The following KLHL32 variants were observed in gnomAD, a reference collection of about 807,000 sequenced individuals.
The protein encoded by KLHL32 is kelch-like protein 32.
Under a neutral mutation model 64.8 loss-of-function variants are expected in KLHL32, and 35 were observed. That is an observed-to-expected ratio of 0.54 (90% CI 0.41 to 0.72). The LOEUF (loss-of-function observed/expected upper bound fraction) is 0.72, where lower values mean the gene tolerates loss of function less well. Ranked by LOEUF, KLHL32 falls within the 30% of genes least tolerant of loss-of-function variation. KLHL32 has a pLI of 0.00. For synonymous variants in KLHL32, 259 were observed against 281.0 expected (o/e 0.92, Z 0.78); for missense variants, 589 against 768.5 (o/e 0.77, Z 2.76).
At position 97,050,080 on chromosome 6, in the gene KLHL32, A is replaced by G. The variant is rs183952796; in HGVS notation, c.312+8481A>G. ...GTCTAGTTTGTGCTGCAAGAATCAT[A>G]AAGCCATTCGTTCAGCAGATTCATG... On this transcript the variant is annotated intron_variant, in intron 4 of 10. Coordinates refer to ENST00000369261, the MANE Select transcript of KLHL32 (RefSeq NM_052904.4). Among the ~76,000 whole-genome samples the G allele has an allele frequency of 2.9e-3, 435 of 152,336 alleles. 1 individual carries two copies. Among genetic ancestry groups the G allele is most frequent in the Non-Finnish European group, 4.3e-3 (290 of 68,022 alleles).
At chr6:97,093,270 T>C (rs1794523982) in intron 6 of KLHL32, among the ~76,000 whole-genome samples, 1 of 152,180 alleles carries the variant, frequency 6.6e-6, no homozygotes, top group Non-Finnish European at 1.5e-5. Context: ...CCAACAATAA[T>C]AATTCTTTAC....
chr6:97,098,369 A>AT (rs1036781537), intron 6 of KLHL32, among the ~76,000 whole-genome samples: 91 of 151,398 alleles, frequency 6.0e-4, no homozygotes, highest in Non-Finnish European at 1.1e-3. Context: ...TGTCTTCATT[A>AT]TTTTTTTTTC....
At chr6:96,924,670 G>A (rs1293491117), upstream of KLHL32, 1 of 152,146 alleles carries the variant, frequency 6.6e-6, no homozygotes, top group Non-Finnish European at 1.5e-5. Flanking sequence ...AGTCTGACGC[G>A]ACCGCCTGGG....
At chr6:96,981,911 G>A (rs1776357883) in intron 3 of KLHL32, among the ~76,000 whole-genome samples, 1 of 152,106 alleles carries the variant, frequency 6.6e-6, no homozygotes, top group African/African-American at 2.4e-5. Context: ...TTTGGTCTGA[G>A]AGTGTGATCG....
At chr6:97,103,901 A>T (rs1432723078) in intron 6 of KLHL32, among the ~76,000 whole-genome samples, 1 of 152,212 alleles carries the variant, frequency 6.6e-6, no homozygotes, top group Non-Finnish European at 1.5e-5. Context: ...ATTCTACTTT[A>T]AAATATTTTT....
chr6:97,111,621 G>A (rs918745628), intron 6 of KLHL32, among the ~76,000 whole-genome samples: 1 of 152,218 alleles, frequency 6.6e-6, no homozygotes, highest in African/African-American at 2.4e-5. Context: ...TCCAGAAGGA[G>A]TGTTATGGTA....
chr6:97,019,919 A>G (rs1200662407), intron 3 of KLHL32, among the ~76,000 whole-genome samples: 1 of 149,082 alleles, frequency 6.7e-6, no homozygotes, highest in Non-Finnish European at 1.5e-5. Context: ...AGCTGGAACT[A>G]CAGGCGCCCA....
intron 4 of KLHL32, among the ~76,000 whole-genome samples, chr6:97,050,065 T>C (rs4839707): frequency 0.073 from 11,123 of 152,270 alleles, 879 homozygotes; most frequent in Admixed American, 0.22. Context: ...GTCTAGTTTG[T>C]GCTGCAAGAA....
chr6:97,025,529 A>T (rs554363903), intron 3 of KLHL32, among the ~76,000 whole-genome samples: 19 of 152,378 alleles, frequency 1.2e-4, no homozygotes, highest in African/African-American at 4.6e-4. Flanking sequence ...GTAGGCAATG[A>T]ATATTCATCC....
chr6:97,071,315 C>T (rs750632523), intron 5 of KLHL32, among the ~76,000 whole-genome samples: 3 of 152,100 alleles, frequency 2.0e-5, no homozygotes, highest in Non-Finnish European at 2.9e-5. Flanking sequence ...TCCTCTACAG[C>T]ATTTAAACAC....
intron 1 of KLHL32, among the ~76,000 whole-genome samples, chr6:96,929,250 C>G (rs1457482064): frequency 6.6e-6 from 1 of 152,088 alleles, no homozygotes. Flanking sequence ...GATTTTAATT[C>G]CTATCAAGTA....
intron 5 of KLHL32, among the ~76,000 whole-genome samples, chr6:97,071,601 C>T (rs573706331): frequency 6.6e-6 from 1 of 152,258 alleles, no homozygotes; most frequent in East Asian, 1.9e-4. Context: ...CCAAATTCGC[C>T]TTTGCCCAGT....
intron 3 of KLHL32, among the ~76,000 whole-genome samples, chr6:97,037,626 A>G (rs1784494558): frequency 6.6e-6 from 1 of 152,204 alleles, no homozygotes; most frequent in Non-Finnish European, 1.5e-5. Context: ...TTACAGATTC[A>G]ATGCAATCCA....
chr6:97,107,241 C>T (rs1366901466), intron 6 of KLHL32, among the ~76,000 whole-genome samples: 2 of 150,990 alleles, frequency 1.3e-5, no homozygotes, highest in Admixed American at 1.3e-4. Context: ...TGCAGTGAGC[C>T]GAGATCGCGC....
intron 6 of KLHL32, among the ~76,000 whole-genome samples, chr6:97,106,340 A>G (rs956639722): frequency 6.6e-6 from 1 of 152,202 alleles, no homozygotes; most frequent in African/African-American, 2.4e-5. Context: ...TACTCTGTAG[A>G]GTAGCAATCA....
rs554828751 is a variant in KLHL32 at position 97,140,649 on chromosome 6, C to T, written c.*1367C>T. 6.6e-6 allele frequency: 1 copy of T among 152,020 alleles called. No individual in the cohort carries two copies. Among genetic ancestry groups the T allele is most frequent in the South Asian group, 2.1e-4 (1 of 4,818 alleles). 9.4% of individuals were successfully genotyped at this position (152,020 alleles called of 1,614,324 possible). ...GAAGAATTCACTCTTTTTTCCTTGG[C>T]AGTTTAATCATTCAGGAATCCCTCT... On this transcript the variant is annotated 3_prime_UTR_variant, in exon 11 of 11. Coordinates refer to ENST00000369261, the MANE Select transcript of KLHL32 (RefSeq NM_052904.4).
intron 6 of KLHL32, among the ~76,000 whole-genome samples, chr6:97,110,249 T>C (rs1309632022): frequency 6.6e-6 from 1 of 152,178 alleles, no homozygotes; most frequent in African/African-American, 2.4e-5. Flanking sequence ...TGGTATCTTA[T>C]TTAGTTAAAA....
chr6:96,939,667 G>A (rs1290509543), intron 1 of KLHL32, among the ~76,000 whole-genome samples: 1 of 152,148 alleles, frequency 6.6e-6, no homozygotes, highest in Non-Finnish European at 1.5e-5. Context: ...AGAGAGCCAA[G>A]GGCAGTGAAG....
At position 97,121,925 on chromosome 6, in the gene KLHL32, T is replaced by A. The variant is rs143275508; in HGVS notation, c.1355-5479T>A. Among the ~76,000 whole-genome samples, 17 of 152,304 alleles carry A rather than the reference T, an allele frequency of 1.1e-4. 1 individual carries two copies. In the South Asian group the frequency reaches 1.2e-3, roughly 11 times the overall value. ...AAAAGATCCAAGAGCACAGCAAAGC[T>A]GGGACATGAAAGACAGACAGAGGTG... On this transcript the variant is annotated intron_variant, in intron 7 of 10. Coordinates refer to ENST00000369261, the MANE Select transcript of KLHL32 (RefSeq NM_052904.4).
Sources: allele counts gnomAD v4.1 joint callset (sites outside exome capture counted in the v4.1 genomes callset), GRCh38; gene constraint gnomAD v4.1.1; transcripts MANE v1.5; gene names NCBI Gene and HGNC (gene_info 2026-07-23, HGNC 2026-07-21).